Variants in ASPRV1 observed in about 807,000 individuals in gnomAD.
ASPRV1 encodes the protein retroviral-like aspartic protease 1.
ASPRV1 carries 7 observed loss-of-function variants against 11.0 expected under a neutral mutation model. That is an observed-to-expected ratio of 0.64 (90% CI 0.36 to 1.20). The LOEUF (loss-of-function observed/expected upper bound fraction) is 1.20, where lower values mean the gene tolerates loss of function less well. Among genes scored for constraint, ASPRV1 ranks in the 50% most tolerant of loss-of-function variants. The probability of loss-of-function intolerance (pLI) is 0.02; values close to 1 mark genes in which losing one functional copy is unlikely to be tolerated. For synonymous variants in ASPRV1, 136 were observed against 138.4 expected, an observed-to-expected ratio of 0.98 and a Z score of 0.12; for missense variants, 299 against 320.0, an observed-to-expected ratio of 0.93 and a Z score of 0.50.
chr2:69,971,585 T>C, the ASPRV1 span, among the ~76,000 whole-genome samples: 1 of 152,242 alleles, frequency 6.6e-6, no homozygotes, highest in African/African-American at 2.4e-5. Flanking sequence ...ATAACAAAGA[T>C]ATTTAAAAAT....
At chr2:69,999,941 C>T in the ASPRV1 span, among the ~76,000 whole-genome samples, 14 of 152,156 alleles carry the variant, frequency 9.2e-5, no homozygotes, top group African/African-American at 2.9e-4. Context: ...CCTCTCTCAT[C>T]TGCCTTGAGT....
chr2:70,007,347 G>A, the ASPRV1 span, among the ~76,000 whole-genome samples: 3 of 151,944 alleles, frequency 2.0e-5, no homozygotes, highest in South Asian at 2.1e-4. Flanking sequence ...GAGAAACTCC[G>A]TTTCTACTTT....
the ASPRV1 span, among the ~76,000 whole-genome samples, chr2:70,001,669 A>AAT: frequency 6.6e-6 from 1 of 152,286 alleles, no homozygotes; most frequent in African/African-American, 2.4e-5. Flanking sequence ...CTGAGGCAGG[A>AAT]GAATCGCTTA....
the ASPRV1 span, among the ~76,000 whole-genome samples, chr2:70,047,210 G>C: frequency 1.6e-4 from 25 of 152,144 alleles, no homozygotes; most frequent in Admixed American, 1.6e-3. Flanking sequence ...GTGAGAGTGG[G>C]TAAGAACAAG....
At position 69,960,150 on chromosome 2, in the gene ASPRV1, A is replaced by G. The variant is rs375594346; in HGVS notation, c.*507T>C. On this transcript the variant is annotated 3_prime_UTR_variant, in exon 1 of 1. Transcript: ENST00000320256. ...AATTGAATTATTGGCATAAGGCACA[A>G]TGGGCTTCAAAGCAAATGACAGAAA... 1 of 155,606 alleles carries G rather than the reference A, an allele frequency of 6.4e-6. No homozygotes were observed. Among genetic ancestry groups the G allele is most frequent in the Non-Finnish European group, 1.4e-5 (1 of 70,114 alleles). The allele number at this position is 155,606 out of a possible 1,614,324, so 9.6% of individuals were successfully genotyped here. A position where few individuals can be genotyped will look rare whatever the true frequency, so the allele number is the denominator to read the frequency against.
the ASPRV1 span, chr2:69,938,505 G>A: frequency 3.8e-6 from 2 of 531,986 alleles, no homozygotes; most frequent in East Asian, 3.3e-5. Flanking sequence ...GTCTCTGAGA[G>A]ACTATACATT....
chr2:69,946,468 C>T, the ASPRV1 span, among the ~76,000 whole-genome samples: 1,795 of 152,274 alleles, frequency 0.012, 44 homozygotes, highest in African/African-American at 0.041. Context: ...CTTCCCAGGG[C>T]TGCTAGGGGG....
the ASPRV1 span, chr2:70,087,100 G>C: frequency 3.3e-5 from 5 of 151,310 alleles, no homozygotes; most frequent in Admixed American, 2.0e-4. Context: ...AACCCGCGGC[G>C]TCCCGGCTTG....
chr2:69,952,853 C>T, the ASPRV1 span, among the ~76,000 whole-genome samples: 1 of 152,176 alleles, frequency 6.6e-6, no homozygotes, highest in Non-Finnish European at 1.5e-5. Flanking sequence ...CCTCTCTCAC[C>T]TCCATAACAA....
the ASPRV1 span, among the ~76,000 whole-genome samples, chr2:69,944,261 C>T: frequency 6.6e-6 from 1 of 152,214 alleles, no homozygotes; most frequent in Non-Finnish European, 1.5e-5. Flanking sequence ...TAGCCTCCCC[C>T]ACAAGATGAC....
the ASPRV1 span, among the ~76,000 whole-genome samples, chr2:70,079,839 G>T: frequency 6.6e-6 from 1 of 152,048 alleles, no homozygotes; most frequent in Non-Finnish European, 1.5e-5. Context: ...CACACAGAAG[G>T]GTTCTATTTA....
At chr2:69,995,866 T>C in the ASPRV1 span, among the ~76,000 whole-genome samples, 7 of 152,172 alleles carry the variant, frequency 4.6e-5, no homozygotes, top group Non-Finnish European at 1.0e-4. Flanking sequence ...TTGGTTTCGA[T>C]GTGGAAACAG....
the ASPRV1 span, among the ~76,000 whole-genome samples, chr2:70,065,819 C>CAAAAAAAAAAAAAAAAA: frequency 2.5e-4 from 17 of 67,444 alleles, no homozygotes; most frequent in African/African-American, 7.1e-4. Flanking sequence ...GCTTTTGACT[C>CAAAAAAAAAAAAAAAAA]AAAAAAAAAA....
the ASPRV1 span, among the ~76,000 whole-genome samples, chr2:69,943,600 C>T: frequency 1.3e-5 from 2 of 152,154 alleles, no homozygotes; most frequent in African/African-American, 2.4e-5. Context: ...TGAGGATGTC[C>T]GTTCCTTTAC....
At chr2:70,072,637 A>G in the ASPRV1 span, among the ~76,000 whole-genome samples, 2 of 152,144 alleles carry the variant, frequency 1.3e-5, no homozygotes, top group East Asian at 3.9e-4. Context: ...CAGGAGAATC[A>G]CTTGAACTCA....
At chr2:69,954,843 G>A in the ASPRV1 span, among the ~76,000 whole-genome samples, 36,315 of 152,042 alleles carry the variant, frequency 0.24, 6,825 homozygotes, top group African/African-American at 0.51. Context: ...GACTGTCCTA[G>A]AGGACAGGGC....
At chr2:70,024,807 G>A in the ASPRV1 span, among the ~76,000 whole-genome samples, 4 of 152,050 alleles carry the variant, frequency 2.6e-5, no homozygotes, top group South Asian at 4.2e-4. Flanking sequence ...GCAGCAAATA[G>A]GTGGAGTTCT....
chr2:69,936,646 G>T, the ASPRV1 span, among the ~76,000 whole-genome samples: 1 of 152,110 alleles, frequency 6.6e-6, no homozygotes, highest in Non-Finnish European at 1.5e-5. Context: ...GAAGCTGGGG[G>T]CAGATTTATA....
the ASPRV1 span, chr2:70,011,904 G>A: frequency 6.5e-6 from 1 of 152,738 alleles, no homozygotes; most frequent in Non-Finnish European, 1.5e-5. Context: ...AAAAGCAGGA[G>A]CTGAAAGCAG....
Sources: gnomAD v4.1 joint callset for allele counts (sites outside exome capture counted in the v4.1 genomes callset) on GRCh38, gnomAD v4.1.1 for gene constraint, MANE v1.5 for transcripts, NCBI Gene and HGNC (gene_info 2026-07-23, HGNC 2026-07-21) for gene names.